Variants in STK3 observed in about 807,000 individuals in gnomAD.
STK3 encodes the protein serine/threonine-protein kinase 3.
In STK3, 41 loss-of-function variants were observed where a neutral mutation model predicts 58.0. The ratio of observed to expected loss-of-function variants is 0.71; its 90% CI spans 0.55 to 0.92. The LOEUF (loss-of-function observed/expected upper bound fraction) is 0.92, where lower values mean the gene tolerates loss of function less well. STK3 is among the 40% of genes least tolerant of loss of function. STK3 has a pLI of 0.00. For synonymous variants in STK3, 170 were observed against 191.0 expected (o/e 0.89, Z 0.91); for missense variants, 479 against 602.7 (o/e 0.79, Z 2.15).
At chr8:98,470,513 A>G (rs1015480631) in intron 10 of STK3, among the ~76,000 whole-genome samples, 3 of 151,978 alleles carry the variant, frequency 2.0e-5, no homozygotes, top group African/African-American at 2.4e-5. Flanking sequence ...GGCCACCCTC[A>G]CTCTCACAGT....
intron 1 of STK3, among the ~76,000 whole-genome samples, chr8:98,930,378 AAGT>A (rs1322287405): frequency 1.3e-5 from 2 of 152,174 alleles, no homozygotes; most frequent in Non-Finnish European, 2.9e-5. Flanking sequence ...TGTAATTATA[AAGT>A]ATGTGTTCAG....
intron 10 of STK3, among the ~76,000 whole-genome samples, chr8:98,466,913 C>A (rs1244668774): frequency 6.6e-6 from 1 of 152,124 alleles, no homozygotes; most frequent in Non-Finnish European, 1.5e-5. Context: ...ACTAGTGGGA[C>A]CCAAGGAAGG....
At chr8:98,733,654 T>G (rs909993568) in intron 4 of STK3, among the ~76,000 whole-genome samples, 2 of 152,290 alleles carry the variant, frequency 1.3e-5, no homozygotes, top group Non-Finnish European at 2.9e-5. Context: ...TGTTAGGCTA[T>G]GTGCATCTCC....
Position 98,774,812 on chromosome 8 carries a change from T to C in STK3, c.34A>G (p.Lys12Glu). ...EQPPAPKSKLKKLSEDSLTKQ... is the reference protein window; with the variant it reads ...EQPPAPKSKLEKLSEDSLTKQ... ...GTCAAACTGTCTTCACTCAGCTTTTTTAGTTTACTGATTTAAAAAAGAAAG... is the reference window on the plus strand; with the variant it reads ...GTCAAACTGTCTTCACTCAGCTTTTCTAGTTTACTGATTTAAAAAAGAAAG... Residue 12 changes from lysine (K) to glutamate (E), a missense_variant, in exon 2 of 11, where the codon AAA becomes GAA. By Grantham distance (56) the Lys-to-Glu change is moderately conservative. Transcript: ENST00000419617. 1 of 1,556,444 alleles carries C rather than the reference T, an allele frequency of 6.4e-7. No homozygotes were observed. Among genetic ancestry groups the C allele is most frequent in the Non-Finnish European group, 8.7e-7 (1 of 1,155,894 alleles).
intron 6 of STK3, among the ~76,000 whole-genome samples, chr8:98,614,730 C>T (rs745534351): frequency 2.0e-5 from 3 of 152,170 alleles, no homozygotes; most frequent in East Asian, 1.9e-4. Flanking sequence ...CACTCTCACC[C>T]GAATACTGCG....
downstream of STK3, among the ~76,000 whole-genome samples, chr8:98,397,278 C>T (rs549812983): frequency 4.7e-4 from 72 of 152,318 alleles, no homozygotes; most frequent in Non-Finnish European, 9.6e-4. Context: ...CGTGTAATCC[C>T]AGCACTTTGG....
At chr8:98,717,946 C>T (rs1265061410) in intron 4 of STK3, among the ~76,000 whole-genome samples, 1 of 151,836 alleles carries the variant, frequency 6.6e-6, no homozygotes, top group Admixed American at 6.6e-5. Flanking sequence ...AAGTCGGTCA[C>T]AAAAAAAGGC....
At chr8:98,609,117 A>T (rs1244995250) in intron 6 of STK3, among the ~76,000 whole-genome samples, 1 of 152,218 alleles carries the variant, frequency 6.6e-6, no homozygotes, top group Non-Finnish European at 1.5e-5. Flanking sequence ...CATTATGCTC[A>T]TACTACATCA....
intron 6 of STK3, among the ~76,000 whole-genome samples, chr8:98,600,244 A>C (rs750685920): frequency 6.6e-6 from 1 of 152,184 alleles, no homozygotes; most frequent in Non-Finnish European, 1.5e-5. Context: ...GGAAGTACAA[A>C]GCAAATAAGA....
chr8:98,793,465 G>A (rs1366297506), intron 1 of STK3, among the ~76,000 whole-genome samples: 1 of 152,152 alleles, frequency 6.6e-6, no homozygotes, highest in Non-Finnish European at 1.5e-5. Flanking sequence ...CTGAATCTGG[G>A]AGGTTGGAGC....
In STK3 at chr8:98,912,521, G is replaced by A. The variant is rs546454359; in HGVS notation, c.-78-28687C>T. On this transcript the variant is annotated intron_variant, in intron 1 of 1. Transcript: ENST00000519420. Reference sequence around the variant, plus strand: ...ACGTGTCTGCTTGGTCACAGGAAGAGTTGGAAAGCCACAGGCTCTCTTCAT... The same window carrying A: ...ACGTGTCTGCTTGGTCACAGGAAGAATTGGAAAGCCACAGGCTCTCTTCAT... Among the ~76,000 whole-genome samples, 7 of 152,262 alleles carry A rather than the reference G, an allele frequency of 4.6e-5. No homozygotes were observed. In the South Asian group the frequency reaches 1.5e-3, roughly 32 times the overall value.
At chr8:98,759,331 A>G (rs1282526227) in intron 3 of STK3, among the ~76,000 whole-genome samples, 1 of 149,618 alleles carries the variant, frequency 6.7e-6, no homozygotes. Context: ...GGAATAGGAA[A>G]GCCTGAGGAA....
rs538533141 is a variant in STK3 at position 98,864,864 on chromosome 8, A to G, written c.110+18783T>C. On this transcript the variant is annotated intron_variant, in intron 3 of 12. Transcript: ENST00000523601. ...TTCAACAAGCAGCTTTTTGTGGTCC[A>G]TATTGGCTGCTTCCACTCCTTCTAT... is the stretch of plus-strand genomic sequence containing the variant. 3.9e-5 allele frequency among the ~76,000 whole-genome samples: 6 copies of G among 152,346 alleles called. No individual in the cohort carries two copies. In the South Asian group the frequency reaches 1.2e-3, roughly 32 times the overall value.
chr8:98,833,242 G>A (rs1214525294), intron 3 of STK3, among the ~76,000 whole-genome samples: 5 of 152,150 alleles, frequency 3.3e-5, no homozygotes, highest in African/African-American at 9.7e-5. Context: ...GTCATAGGAG[G>A]ATCCAAAGAT....
chr8:98,556,716 A>G (rs1348143110), intron 8 of STK3, among the ~76,000 whole-genome samples: 1 of 152,074 alleles, frequency 6.6e-6, no homozygotes, highest in African/African-American at 2.4e-5. Context: ...GAAGGGAAAG[A>G]CTGGAGAAAG....
rs563984215 is a variant in STK3 at position 98,777,938 on chromosome 8, C to T, written c.27-3119G>A. The stretch of plus-strand genomic sequence containing the variant: ...AACCAGAAAAACCCTAGAAGAAAAC[C>T]TAGGCAATACCATTCAGGACATAGG... On this transcript the variant is annotated intron_variant, in intron 1 of 10. Coordinates refer to ENST00000419617, the MANE Select transcript of STK3 (RefSeq NM_006281.4). Among the ~76,000 whole-genome samples, 7 of 152,202 alleles carry T rather than the reference C, an allele frequency of 4.6e-5. No homozygotes were observed. In the South Asian group the frequency reaches 1.5e-3, roughly 32 times the overall value.
chr8:98,804,083 C>T (rs971190240), intron 1 of STK3, among the ~76,000 whole-genome samples: 9 of 151,920 alleles, frequency 5.9e-5, no homozygotes, highest in African/African-American at 1.9e-4. Context: ...CTCTCTGCAA[C>T]CTCCGCCTCC....
At chr8:98,479,488 G>C (rs1046307271) in intron 10 of STK3, among the ~76,000 whole-genome samples, 1 of 10,926 alleles carries the variant, frequency 9.2e-5, no homozygotes, top group African/African-American at 2.4e-4. Context: ...CTCCGTCTCG[G>C]GGGGGGGGGG....
intron 3 of STK3, among the ~76,000 whole-genome samples, chr8:98,406,996 C>T (rs1818000656): frequency 6.6e-6 from 1 of 152,182 alleles, no homozygotes; most frequent in African/African-American, 2.4e-5. Context: ...CAGACATCTG[C>T]CTGCAGGCTA....
Sources: gnomAD v4.1 joint callset for allele counts (sites outside exome capture counted in the v4.1 genomes callset) on GRCh38, gnomAD v4.1.1 for gene constraint, MANE v1.5 for transcripts, NCBI Gene and HGNC (gene_info 2026-07-23, HGNC 2026-07-21) for gene names.